TCP11L2: variants seen among roughly 807,000 people sequenced by gnomAD.
TCP11L2 encodes the protein T-complex protein 11-like protein 2.
TCP11L2 carries 39 observed loss-of-function variants against 50.7 expected under a neutral mutation model. The ratio of observed to expected loss-of-function variants is 0.77; its 90% confidence interval spans 0.60 to 1.01. The LOEUF (loss-of-function observed/expected upper bound fraction) is 1.01, where lower values mean the gene tolerates loss of function less well. TCP11L2 is among the 50% of genes least tolerant of loss of function. The pLI is 0.00. For missense variants in TCP11L2, 612 were observed against 614.7 expected (o/e 1.00, Z 0.05); for synonymous variants, 192 against 219.3 (o/e 0.88, Z 1.10).
At chr12:106,318,576 A>G in intron 4 of TCP11L2, 112 bp downstream of exon 4, 1 of 1,356,910 alleles carries the variant, frequency 7.4e-7, no homozygotes, top group South Asian at 1.4e-5. Context: ...TTCTCACAGT[A>G]CTGGAGGCTG....
At chr12:106,301,053 T>C (rs117214003), upstream of TCP11L2, among the ~76,000 whole-genome samples, 1,559 of 152,318 alleles carry the variant, frequency 0.01, 24 homozygotes, top group African/African-American at 0.033. Context: ...CTTTCTATTG[T>C]GGAGTTTTTA....
At chr12:106,342,458 T>C (rs943433983) in intron 9 of TCP11L2, among the ~76,000 whole-genome samples, 1 of 152,192 alleles carries the variant, frequency 6.6e-6, no homozygotes, top group East Asian at 1.9e-4. Context: ...CAGAGCATGT[T>C]GTCCCCAGCT....
At chr12:106,325,821 A>G (rs1368029676) in intron 6 of TCP11L2, 2 of 137,630 alleles carry the variant, frequency 1.5e-5, no homozygotes, top group African/African-American at 5.3e-5. Context: ...AACCCAGGAG[A>G]TGGTGGTTGC....
intron 8 of TCP11L2, among the ~76,000 whole-genome samples, chr12:106,338,308 C>G (rs576669417): frequency 3.6e-4 from 55 of 152,308 alleles, no homozygotes; most frequent in African/African-American, 1.3e-3. Context: ...AACCCTCACC[C>G]TCCTCCAGAC....
intron 6 of TCP11L2, chr12:106,325,299 G>A (rs2035497473): frequency 6.6e-6 from 1 of 152,228 alleles, no homozygotes; most frequent in Non-Finnish European, 1.5e-5. Context: ...GAGTGAGTGT[G>A]GACTCTGAAA....
intron 1 of TCP11L2, among the ~76,000 whole-genome samples, chr12:106,305,688 A>T (rs1381629363): frequency 6.6e-6 from 1 of 152,214 alleles, no homozygotes; most frequent in East Asian, 1.9e-4. Context: ...CTGGCTCATT[A>T]GATGCAGTGA....
At chr12:106,300,016 C>T (rs1000057886), upstream of TCP11L2, among the ~76,000 whole-genome samples, 19 of 151,780 alleles carry the variant, frequency 1.3e-4, no homozygotes, top group Non-Finnish European at 5.9e-5. Flanking sequence ...TTTAGTCTAC[C>T]GTGTAATTTA....
At chr12:106,327,575 A>G (rs920647108) in intron 6 of TCP11L2, among the ~76,000 whole-genome samples, 2 of 152,118 alleles carry the variant, frequency 1.3e-5, no homozygotes, top group African/African-American at 4.8e-5. Flanking sequence ...AATAGAGCAA[A>G]CCCAGCTTTG....
rs1026115728 is a variant in TCP11L2 at position 106,312,215 on chromosome 12, G to A, written c.157+983G>A. The stretch of plus-strand genomic sequence containing the variant: ...TTATTACTTTACCAAGTGAATGTAC[G>A]GTAAAATTAACCATTGATTAATCAC... On this transcript the variant is annotated intron_variant, in intron 2 of 9. Coordinates refer to ENST00000299045, the MANE Select transcript of TCP11L2 (RefSeq NM_152772.3). The A allele has an allele frequency of 3.7e-5, 15 of 401,896 alleles. No individual in the cohort carries two copies. The East Asian group carries it at 4.4e-4, about 12-fold the overall frequency. 24.9% of individuals were successfully genotyped at this position (401,896 alleles called of 1,614,324 possible).
intron 9 of TCP11L2, among the ~76,000 whole-genome samples, chr12:106,345,356 G>A (rs1269968145): frequency 6.6e-6 from 1 of 152,140 alleles, no homozygotes; most frequent in Non-Finnish European, 1.5e-5. Flanking sequence ...ATTATGCCAG[G>A]ACAACAGGTG....
intron 8 of TCP11L2, among the ~76,000 whole-genome samples, chr12:106,337,957 C>T (rs937739602): frequency 9.2e-5 from 14 of 151,996 alleles, no homozygotes; most frequent in African/African-American, 9.7e-5. Context: ...ATCCTCATTA[C>T]GGATGGGGCA....
chr12:106,328,918 G>T (rs1280457870), intron 6 of TCP11L2, among the ~76,000 whole-genome samples: 2 of 152,168 alleles, frequency 1.3e-5, no homozygotes, highest in Non-Finnish European at 2.9e-5. Context: ...TCCCGGGAAG[G>T]AGTCGGCTCT....
intron 9 of TCP11L2, among the ~76,000 whole-genome samples, chr12:106,342,151 T>C (rs2036109795): frequency 6.6e-6 from 1 of 152,216 alleles, no homozygotes; most frequent in Admixed American, 6.5e-5. Flanking sequence ...CTAGGACTAA[T>C]CTGCAAATTT....
Position 106,335,770 on chromosome 12 carries a change from A to G in TCP11L2, c.904A>G (p.Asn302Asp). 6.2e-7 allele frequency: 1 copy of G among 1,614,208 alleles called. No homozygotes were observed. Among genetic ancestry groups the G allele is most frequent in the Non-Finnish European group, 8.5e-7 (1 of 1,180,036 alleles). ...AAGCCTGAGCCCTACTTTGGTGCTA[A>G]ATAATAGTTACTTGAAACTGTTACA... ...KPSLSPTLVL[N>D]NSYLKLLQWD... is the part of the protein sequence containing the mutation. Residue 302 changes from asparagine (N) to aspartate (D), a missense_variant, in exon 7 of 10, where the codon AAT becomes GAT. Coordinates refer to ENST00000299045, the MANE Select transcript of TCP11L2 (RefSeq NM_152772.3).
At chr12:106,329,612 T>C in intron 6 of TCP11L2, 1 of 1,343,796 alleles carries the variant, frequency 7.4e-7, no homozygotes, top group South Asian at 1.9e-5. Flanking sequence ...TTTTTCCTTT[T>C]TAAAGCTCCC....
chr12:106,318,813 T>G (rs1252903143), intron 4 of TCP11L2, among the ~76,000 whole-genome samples: 2 of 152,110 alleles, frequency 1.3e-5, no homozygotes, highest in Admixed American at 1.3e-4. Context: ...CGGGTTCAAG[T>G]AATTCTCCTG....
At chr12:106,306,357 T>G (rs995040642) in intron 1 of TCP11L2, among the ~76,000 whole-genome samples, 4 of 152,234 alleles carry the variant, frequency 2.6e-5, no homozygotes, top group Middle Eastern at 3.2e-3. Flanking sequence ...GCTTTATTAT[T>G]TTTTCTCTCT....
intron 2 of TCP11L2, chr12:106,312,312 TG>T (rs1412928375): frequency 9.9e-6 from 6 of 607,204 alleles, no homozygotes; most frequent in Non-Finnish European, 1.3e-5. Context: ...AACATCTTAC[TG>T]CATGAAGCCT....
chr12:106,315,730 G>C (rs944589984), intron 3 of TCP11L2, among the ~76,000 whole-genome samples: 10 of 152,186 alleles, frequency 6.6e-5, no homozygotes, highest in Non-Finnish European at 1.3e-4. Flanking sequence ...CCTCTAGTTG[G>C]AGCCACCCCT....
Sources: allele counts gnomAD v4.1 joint callset (sites outside exome capture counted in the v4.1 genomes callset), GRCh38; gene constraint gnomAD v4.1.1; transcripts MANE v1.5; gene names NCBI Gene and HGNC (gene_info 2026-07-23, HGNC 2026-07-21).